EFCAB5: variants seen among roughly 807,000 people sequenced by gnomAD.
The protein encoded by EFCAB5 is EF-hand calcium-binding domain-containing protein 5.
In EFCAB5, 131 loss-of-function variants were observed where a neutral mutation model predicts 167.9. That is an observed-to-expected ratio of 0.78 (90% CI 0.68 to 0.90). The LOEUF (loss-of-function observed/expected upper bound fraction) is 0.90, where lower values mean the gene tolerates loss of function less well. Ranked by LOEUF, EFCAB5 falls within the 40% of genes least tolerant of loss-of-function variation. The pLI is 0.00. For missense variants in EFCAB5, 1,663 were observed against 1,745.2 expected, an observed-to-expected ratio of 0.95 and a Z score of 0.84; for synonymous variants, 574 against 602.8, an observed-to-expected ratio of 0.95 and a Z score of 0.70.
At chr17:29,996,441 C>T in intron 6 of EFCAB5, 81 bp downstream of exon 6, 1 of 1,207,420 alleles carries the variant, frequency 8.3e-7, no homozygotes. Flanking sequence ...GAAGAGTCAA[C>T]ATGAGACAGA....
At chr17:29,969,515 C>T (rs948053781) in intron 4 of EFCAB5, 148 bp downstream of exon 4, 8 of 713,384 alleles carry the variant, frequency 1.1e-5, no homozygotes, top group Non-Finnish European at 1.8e-5. Context: ...ATGTGCTTCA[C>T]TCTTTTTGAG....
At chr17:30,072,392 G>A (rs1260472930) in intron 14 of EFCAB5, among the ~76,000 whole-genome samples, 9 of 152,124 alleles carry the variant, frequency 5.9e-5, no homozygotes, top group Non-Finnish European at 1.2e-4. Context: ...TTGTCACAAA[G>A]TTACAGAAAC....
At chr17:30,079,349 A>C (rs2070935932) in intron 15 of EFCAB5, among the ~76,000 whole-genome samples, 1 of 152,226 alleles carries the variant, frequency 6.6e-6, no homozygotes, top group Non-Finnish European at 1.5e-5. Flanking sequence ...TGTGGAAAGA[A>C]GGAATAAAGG....
chr17:30,064,463 CCAGT>C (rs927475572), intron 14 of EFCAB5, among the ~76,000 whole-genome samples: 5 of 151,576 alleles, frequency 3.3e-5, no homozygotes, highest in South Asian at 2.1e-4. Context: ...TTAAAATTAC[CCAGT>C]CAGAGAAAGA....
chr17:30,022,284 A>G (rs2069198291), intron 7 of EFCAB5, among the ~76,000 whole-genome samples: 1 of 152,166 alleles, frequency 6.6e-6, no homozygotes, highest in African/African-American at 2.4e-5. Context: ...GTCTGTAGGT[A>G]TATGCAGGAA....
intron 4 of EFCAB5, among the ~76,000 whole-genome samples, chr17:29,988,622 G>A (rs374594917): frequency 7.2e-5 from 11 of 152,072 alleles, no homozygotes; most frequent in Admixed American, 3.3e-4. Context: ...AATGATTATC[G>A]AGAATACTCA....
chr17:30,045,329 G>A (rs1168614989), intron 8 of EFCAB5, among the ~76,000 whole-genome samples: 2 of 151,836 alleles, frequency 1.3e-5, no homozygotes, highest in Admixed American at 6.6e-5. Flanking sequence ...ATGGTGGCAC[G>A]TGCCTGTAGT....
At chr17:29,984,924 A>T (rs144283561) in intron 4 of EFCAB5, among the ~76,000 whole-genome samples, 3 of 152,268 alleles carry the variant, frequency 2.0e-5, no homozygotes, top group African/African-American at 7.2e-5. Context: ...TCTTTGGTTC[A>T]TCAGATGTAT....
rs1475497381 is a variant in EFCAB5, at chr17:29,942,247, G to A, written c.50G>A (p.Arg17Lys). ...QEELRPAQEN[R>K]KEDKERKWNL... The stretch of plus-strand genomic sequence containing the variant: ...ACACTGTTTGCATTTCAGGAAAACA[G>A]AAAAGAAGACAAAGAGAGGAAATGG... Residue 17 changes from arginine to lysine, a missense_variant, in exon 2 of 23, where the codon AGA becomes AAA. Coordinates refer to ENST00000394835, the MANE Select transcript of EFCAB5 (RefSeq NM_198529.4). 17 of 1,586,336 alleles carry A rather than the reference G, an allele frequency of 1.1e-5. No individual in the cohort carries two copies. The highest frequency in any genetic ancestry group is 1.4e-5 in the Non-Finnish European group (16 of 1,166,134).
chr17:30,091,933 G>A lies in EFCAB5; in HGVS notation c.4000G>A (p.Glu1334Lys), dbSNP rs1408841196. 7.4e-6 allele frequency: 12 copies of A among 1,613,966 alleles called. No individual in the cohort carries two copies. Among genetic ancestry groups the A allele is most frequent in the Admixed American group, 1.7e-5 (1 of 60,014 alleles). ...TCTCTTCTTCCGAATCATGCTGCTC[G>A]AGCTACAGGAAAGCATCCAACTACT... Reference protein sequence around the residue: ...GILFFRIMLLELQESIQLLNS... With the variant: ...GILFFRIMLLKLQESIQLLNS... The change falls in exon 21 of 23, where the codon GAG becomes AAG. Residue 1334 changes from glutamate (E) to lysine (K), a missense_variant. By Grantham distance (56) the Glu-to-Lys change is moderately conservative. Coordinates refer to ENST00000394835, the MANE Select transcript of EFCAB5 (RefSeq NM_198529.4).
chr17:30,027,236 C>T (rs142711152), intron 7 of EFCAB5, among the ~76,000 whole-genome samples: 5,248 of 149,234 alleles, frequency 0.035, 133 homozygotes, highest in Middle Eastern at 0.063. Context: ...TTGCCCACCT[C>T]GGACTCCCAA....
intron 7 of EFCAB5, among the ~76,000 whole-genome samples, chr17:30,017,330 AC>A (rs1212497169): frequency 5.3e-5 from 8 of 152,216 alleles, no homozygotes; most frequent in Admixed American, 5.2e-4. Flanking sequence ...TAAAAGTGAT[AC>A]AGGACCATTA....
intron 6 of EFCAB5, among the ~76,000 whole-genome samples, chr17:29,996,728 A>G (rs926133497): frequency 6.6e-5 from 10 of 152,230 alleles, no homozygotes; most frequent in Non-Finnish European, 1.5e-4. Flanking sequence ...CTGGCTAGGC[A>G]TGGTGGCTCA....
intron 18 of EFCAB5, 107 bp from the exon 19 acceptor site, chr17:30,086,956 G>C (rs1022088292): frequency 1.1e-6 from 1 of 888,956 alleles, no homozygotes; most frequent in Admixed American, 2.7e-5. Flanking sequence ...CTTAAAGCCA[G>C]AGGTCATCTA....
At chr17:30,052,402 G>A (rs539662768) in intron 9 of EFCAB5, among the ~76,000 whole-genome samples, 97 of 152,194 alleles carry the variant, frequency 6.4e-4, no homozygotes, top group Middle Eastern at 3.4e-3. Context: ...CCTGACCTCA[G>A]GCATCCACCT....
At chr17:30,034,180 T>G in intron 7 of EFCAB5, 50 bp from the exon 8 acceptor site, 6 of 1,582,278 alleles carry the variant, frequency 3.8e-6, no homozygotes, top group Non-Finnish European at 4.3e-6. Context: ...AAAATCCAAG[T>G]AGAGCATGGT....
intron 7 of EFCAB5, among the ~76,000 whole-genome samples, chr17:30,027,299 T>C (rs1003449781): frequency 2.7e-5 from 4 of 148,250 alleles, no homozygotes; most frequent in Non-Finnish European, 6.0e-5. Flanking sequence ...CAGTCTTTTT[T>C]TTTTTTTTTT....
intron 19 of EFCAB5, 110 bp downstream of exon 19, chr17:30,087,276 C>A: frequency 1.3e-6 from 1 of 775,416 alleles, no homozygotes; most frequent in Non-Finnish European, 2.0e-6. Context: ...GACTTTTATT[C>A]TTTCTTTTTA....
chr17:29,971,460 T>C (rs1399630502), intron 4 of EFCAB5, among the ~76,000 whole-genome samples: 1 of 152,202 alleles, frequency 6.6e-6, no homozygotes, highest in Non-Finnish European at 1.5e-5. Flanking sequence ...GCTGCTTCTG[T>C]TACTGCTTCA....
Sources: allele counts gnomAD v4.1 joint callset (sites outside exome capture counted in the v4.1 genomes callset), GRCh38; gene constraint gnomAD v4.1.1; transcripts MANE v1.5; gene names NCBI Gene and HGNC (gene_info 2026-07-23, HGNC 2026-07-21).